ACBD7: variants seen among roughly 807,000 people sequenced by gnomAD.
ACBD7 encodes acyl-CoA binding domain containing 7.
ACBD7 carries 11 observed loss-of-function variants against 13.7 expected under a neutral mutation model. The ratio of observed to expected loss-of-function variants is 0.80; its 90% confidence interval spans 0.50 to 1.33. ACBD7 has a LOEUF of 1.33. ACBD7 is among the 40% of genes most tolerant of loss of function. The pLI, the probability that ACBD7 is intolerant of heterozygous loss-of-function variation, is 0.00. For synonymous variants in ACBD7, 43 were observed against 37.7 expected (o/e 1.14, Z -0.51); for missense variants, 111 against 103.0 (o/e 1.08, Z -0.33).
Position 15,076,703 on chromosome 10 carries a change from A to G in ACBD7, c.*1827T>C, listed in dbSNP as rs1844686225. The G allele has an allele frequency of 1.2e-6, 1 of 813,004 alleles. No homozygotes were observed. The highest frequency in any genetic ancestry group is 1.5e-6 in the Non-Finnish European group (1 of 673,452). 50.4% of individuals were successfully genotyped at this position (813,004 alleles called of 1,614,324 possible). A position where few individuals can be genotyped will look rare whatever the true frequency, so the allele number is the denominator to read the frequency against. ...ATTTTTAGTAGAGATGGGGTTTTGC[A>G]ATGTTGGTCAGGCTGGTCTCGAACT... On this transcript the variant is annotated 3_prime_UTR_variant, in exon 4 of 4. Transcript: ENST00000356189.
rs2049977172 is a variant in ACBD7, at chr10:15,076,919, G to A, written c.*1611C>T. On this transcript the variant is annotated 3_prime_UTR_variant, in exon 4 of 4. Coordinates refer to ENST00000356189, the MANE Select transcript of ACBD7 (RefSeq NM_001039844.3). ...TCAAATCTGTACACATATTACCAGG[G>A]CTAGACTTTCTAAAAAGTCAAAAAA... 1 of 985,362 alleles carries A rather than the reference G, an allele frequency of 1.0e-6. No individual in the cohort carries two copies. The highest frequency in any genetic ancestry group is 1.2e-6 in the Non-Finnish European group (1 of 829,912). The allele number at this position is 985,362 out of a possible 1,614,324, so 61.0% of individuals were successfully genotyped here.
At position 15,076,029 on chromosome 10, in the gene ACBD7, T is replaced by C. The variant is rs533395768; in HGVS notation, c.*2501A>G. On this transcript the variant is annotated 3_prime_UTR_variant, in exon 4 of 4. Coordinates refer to ENST00000356189, the MANE Select transcript of ACBD7 (RefSeq NM_001039844.3). Reference sequence around the variant, plus strand: ...AAAAAGAATGTTATATAAATGGAATTATACATGTCACATTTGGGGACTGGC... The same window carrying C: ...AAAAAGAATGTTATATAAATGGAATCATACATGTCACATTTGGGGACTGGC... 1.5e-4 allele frequency: 113 copies of C among 748,646 alleles called. No individual in the cohort carries two copies. Among genetic ancestry groups the C allele is most frequent in the Non-Finnish European group, 1.8e-4 (111 of 614,322 alleles). The allele number at this position is 748,646 out of a possible 1,614,324, so 46.4% of individuals were successfully genotyped here.
chr10:15,078,922 C>A lies in ACBD7; in HGVS notation c.130+1G>T, dbSNP rs1176307914. On this transcript the variant is annotated splice_donor_variant, in intron 2 of 3. Transcript: ENST00000356189. LOFTEE classifies it high-confidence loss of function. ...ATATTAATATTAATAATATATAATA[C>A]CAATATTAATGTCTCCAACTATTGC... The A allele has an allele frequency of 1.4e-6, 2 of 1,424,814 alleles. No homozygotes were observed. The allele number at this position is 1,424,814 out of a possible 1,614,324, so 88.3% of individuals were successfully genotyped here. A position where few individuals can be genotyped will look rare whatever the true frequency, so the allele number is the denominator to read the frequency against.
rs1185717828 is a variant in ACBD7 at position 15,075,661 on chromosome 10, G to C, written c.*2869C>G. On this transcript the variant is annotated 3_prime_UTR_variant, in exon 4 of 4. Transcript: ENST00000356189. ...CCTGGCAACCACTATTCCATCCTTT[G>C]CGTCTATAAATGTTCCCTTTCAAGA... Among the ~76,000 whole-genome samples the C allele has an allele frequency of 6.6e-6, 1 of 152,038 alleles. No homozygotes were observed. The highest frequency in any genetic ancestry group is 1.5e-5 in the Non-Finnish European group (1 of 68,026).
At chr10:15,084,870 G>C (rs914859879) in intron 1 of ACBD7, among the ~76,000 whole-genome samples, 3 of 152,236 alleles carry the variant, frequency 2.0e-5, no homozygotes, top group African/African-American at 7.2e-5. Context: ...CACACAGAAA[G>C]TGGGGAGGAG....
At chr10:15,084,609 G>A (rs959206443) in intron 1 of ACBD7, among the ~76,000 whole-genome samples, 16 of 152,272 alleles carry the variant, frequency 1.1e-4, no homozygotes, top group African/African-American at 3.4e-4. Flanking sequence ...GTGCTTAAAC[G>A]CCCTCCAGAG....
intron 1 of ACBD7, among the ~76,000 whole-genome samples, chr10:15,081,210 C>A (rs540424033): frequency 1.3e-5 from 2 of 152,220 alleles, no homozygotes; most frequent in South Asian, 4.2e-4. Context: ...AGCAAGTGCC[C>A]TCATACGAAG....
intron 1 of ACBD7, among the ~76,000 whole-genome samples, chr10:15,082,105 T>C (rs1205468183): frequency 6.6e-6 from 1 of 151,988 alleles, no homozygotes; most frequent in Non-Finnish European, 1.5e-5. Context: ...CTGACCAACA[T>C]GGAGAAACCC....
chr10:15,075,731 T>C lies in ACBD7; in HGVS notation c.*2799A>G, dbSNP rs1844671167. 6.6e-6 allele frequency among the ~76,000 whole-genome samples: 1 copy of C among 152,086 alleles called. No individual in the cohort carries two copies. Among genetic ancestry groups the C allele is most frequent in the Non-Finnish European group, 1.5e-5 (1 of 68,006 alleles). On this transcript the variant is annotated 3_prime_UTR_variant, in exon 4 of 4. Coordinates refer to ENST00000356189, the MANE Select transcript of ACBD7 (RefSeq NM_001039844.3). Reference sequence around the variant, plus strand: ...GCTCATGCCTATAGTCTCAGCACTTTGGGGGGCCAAGGTGGGTAGATCACC... The same window carrying C: ...GCTCATGCCTATAGTCTCAGCACTTCGGGGGGCCAAGGTGGGTAGATCACC...
At chr10:15,083,430 G>A (rs1844772246) in intron 1 of ACBD7, among the ~76,000 whole-genome samples, 1 of 152,262 alleles carries the variant, frequency 6.6e-6, no homozygotes, top group South Asian at 2.1e-4. Context: ...ATGCAGCTTC[G>A]GCCACAAAAA....
chr10:15,088,157 A>G (rs1346180321), intron 1 of ACBD7: 1 of 152,754 alleles, frequency 6.5e-6, no homozygotes, highest in African/African-American at 2.4e-5. Context: ...GGAAAATAAC[A>G]TACTAGGACA....
intron 1 of ACBD7, among the ~76,000 whole-genome samples, chr10:15,087,698 A>C (rs2131400424): frequency 6.6e-6 from 1 of 152,124 alleles, no homozygotes; most frequent in East Asian, 1.9e-4. Flanking sequence ...GAATCACTTG[A>C]ACTTGGGAGG....
At chr10:15,081,011 T>C (rs912526421) in intron 1 of ACBD7, among the ~76,000 whole-genome samples, 6 of 152,038 alleles carry the variant, frequency 3.9e-5, no homozygotes, top group African/African-American at 1.4e-4. Flanking sequence ...GGAGAGAAAG[T>C]GGATAGCCCC....
chr10:15,086,584 A>T (rs1001274366), intron 1 of ACBD7, among the ~76,000 whole-genome samples: 1 of 152,226 alleles, frequency 6.6e-6, no homozygotes, highest in Non-Finnish European at 1.5e-5. Flanking sequence ...GTCACGCACA[A>T]GAATATTTGA....
rs1289991329 is a variant in ACBD7, at chr10:15,078,655, GAAA to G, written c.193+33_193+35del. On this transcript the variant is annotated intron_variant, in intron 3 of 3. Transcript: ENST00000356189. The stretch of plus-strand genomic sequence containing the variant: ...CCTGATTGGTGCACTGGGAAATTAA[GAAA>G]GTTTGCTTTAAACTTGTGAAAGACT... The G allele has an allele frequency of 2.5e-6, 4 of 1,613,896 alleles. No individual in the cohort carries two copies. The East Asian group carries it at 8.9e-5, about 36-fold the overall frequency.
rs1021354430 is a variant in ACBD7 at position 15,088,491 on chromosome 10, C to T, written c.12+226G>A. The T allele has an allele frequency of 3.5e-5, 21 of 604,448 alleles. No homozygotes were observed. In the African/African-American group the frequency reaches 4.2e-4, roughly 12 times the overall value. The allele number at this position is 604,448 out of a possible 1,614,324, so 37.4% of individuals were successfully genotyped here. A position where few individuals can be genotyped will look rare whatever the true frequency, so the allele number is the denominator to read the frequency against. The stretch of plus-strand genomic sequence containing the variant: ...CGCTCCTGCCTTGCCTGCTTTTCCG[C>T]TCACCCGGCCCCTGGGGTCCGGAAG... On this transcript the variant is annotated intron_variant, in intron 1 of 3. Coordinates refer to ENST00000356189, the MANE Select transcript of ACBD7 (RefSeq NM_001039844.3).
chr10:15,088,454 C>G (rs72774385), intron 1 of ACBD7: 30,214 of 531,282 alleles, frequency 0.057, 1,090 homozygotes, highest in Middle Eastern at 0.088. Context: ...AGGCCCGCTC[C>G]GTGCTCCCCG....
intron 1 of ACBD7, among the ~76,000 whole-genome samples, chr10:15,085,346 G>T (rs1478641029): frequency 6.6e-6 from 1 of 152,224 alleles, no homozygotes; most frequent in Non-Finnish European, 1.5e-5. Flanking sequence ...TAGGCGGGCT[G>T]CTGTGTAAAT....
rs1207079565 is a variant in ACBD7, at chr10:15,075,839, T to C, written c.*2691A>G. ...AAATACAAAAATTAGCTGGGCATGG[T>C]TGCACGCACCTGTAGTCCCAGCTAC... On this transcript the variant is annotated 3_prime_UTR_variant, in exon 4 of 4. Transcript: ENST00000356189. 5.9e-5 allele frequency among the ~76,000 whole-genome samples: 9 copies of C among 151,900 alleles called. No individual in the cohort carries two copies. The highest frequency in any genetic ancestry group is 1.3e-4 in the Non-Finnish European group (9 of 67,962).
Sources: gnomAD v4.1 joint callset for allele counts (sites outside exome capture counted in the v4.1 genomes callset) on GRCh38, gnomAD v4.1.1 for gene constraint, MANE v1.5 for transcripts, NCBI Gene and HGNC (gene_info 2026-07-23, HGNC 2026-07-21) for gene names.